RAB3IP: variants seen among roughly 807,000 people sequenced by gnomAD.
The protein encoded by RAB3IP is rab-3A-interacting protein.
A neutral mutation model predicts 59.1 loss-of-function variants in RAB3IP; 36 were observed. The observed-to-expected ratio is 0.61, with a 90% confidence interval of 0.47 to 0.80. The LOEUF (loss-of-function observed/expected upper bound fraction) is 0.80, where lower values mean the gene tolerates loss of function less well. RAB3IP is among the 30% of genes least tolerant of loss of function. The pLI is 0.00. For missense variants in RAB3IP, 511 were observed against 536.0 expected (o/e 0.95, Z 0.46); for synonymous variants, 207 against 191.2 (o/e 1.08, Z -0.68).
At position 69,738,928 on chromosome 12, in the gene RAB3IP, A is replaced by C. The variant is rs957503756; in HGVS notation, c.-129A>C. On this transcript the variant is annotated 5_prime_UTR_variant, in exon 1 of 11. Coordinates refer to ENST00000247833, the MANE Select transcript of RAB3IP (RefSeq NM_022456.5). ...AGCCCGCCGCCGTGGAGTGTAGCGG[A>C]AAGGGCTCGCCGTCCTCCTCCGTTT... is the stretch of plus-strand genomic sequence containing the variant. 6.6e-6 allele frequency: 1 copy of C among 151,952 alleles called. No homozygotes were observed. Among genetic ancestry groups the C allele is most frequent in the Non-Finnish European group, 1.5e-5 (1 of 67,972 alleles). 9.4% of individuals were successfully genotyped at this position (151,952 alleles called of 1,614,324 possible). A position where few individuals can be genotyped will look rare whatever the true frequency, so the allele number is the denominator to read the frequency against.
chr12:69,799,544 G>A (rs1878046988), intron 6 of RAB3IP, among the ~76,000 whole-genome samples: 2 of 152,066 alleles, frequency 1.3e-5, no homozygotes, highest in Non-Finnish European at 2.9e-5. Flanking sequence ...GTAGTTACTG[G>A]GTGCCAAAAA....
intron 3 of RAB3IP, among the ~76,000 whole-genome samples, chr12:69,784,349 C>G (rs1022386440): frequency 1.3e-5 from 2 of 151,162 alleles, no homozygotes; most frequent in Non-Finnish European, 2.9e-5. Context: ...TTGAAATATG[C>G]ATAATTAAAT....
intron 8 of RAB3IP, chr12:69,812,535 T>C (rs190517075): frequency 3.0e-4 from 118 of 396,938 alleles, no homozygotes; most frequent in African/African-American, 1.9e-3. Flanking sequence ...AAACACCTAG[T>C]TTCTGTTTCT....
intron 3 of RAB3IP, among the ~76,000 whole-genome samples, chr12:69,766,723 A>G (rs1025064130): frequency 2.0e-5 from 3 of 151,290 alleles, no homozygotes; most frequent in Non-Finnish European, 4.4e-5. Context: ...ATGGGGTTTC[A>G]CCATGTTGGC....
At chr12:69,809,395 G>A (rs1880027178) in intron 8 of RAB3IP, among the ~76,000 whole-genome samples, 1 of 152,192 alleles carries the variant, frequency 6.6e-6, no homozygotes, top group South Asian at 2.1e-4. Context: ...TGCTCTGCTC[G>A]AGGAGTATCT....
chr12:69,748,530 A>G (rs1220066294), intron 1 of RAB3IP, among the ~76,000 whole-genome samples: 1 of 152,216 alleles, frequency 6.6e-6, no homozygotes, highest in East Asian at 1.9e-4. Flanking sequence ...GGAAATGCAT[A>G]TTAGGGATCA....
At chr12:69,808,478 C>T (rs1409582603) in intron 8 of RAB3IP, among the ~76,000 whole-genome samples, 2 of 152,028 alleles carry the variant, frequency 1.3e-5, no homozygotes, top group Non-Finnish European at 2.9e-5. Context: ...TCTGTGTTGA[C>T]ACAGTGGGGT....
chr12:69,759,525 G>A (rs7954759), intron 3 of RAB3IP, among the ~76,000 whole-genome samples: 16,244 of 151,962 alleles, frequency 0.11, 1,197 homozygotes, highest in Middle Eastern at 0.17. Context: ...GGTGGTGGCC[G>A]GGCAGAGGAG....
At chr12:69,791,583 T>A (rs1276754694) in intron 4 of RAB3IP, among the ~76,000 whole-genome samples, 1 of 152,100 alleles carries the variant, frequency 6.6e-6, no homozygotes, top group Non-Finnish European at 1.5e-5. Flanking sequence ...GCATCAGTAA[T>A]CATCAGGTAA....
intron 1 of RAB3IP, chr12:69,739,607 T>C: frequency 1.8e-6 from 1 of 549,108 alleles, no homozygotes; most frequent in Non-Finnish European, 3.2e-6. Flanking sequence ...CCTCGGGAGG[T>C]TTCGGTGAAA....
chr12:69,784,122 A>G (rs4761266), intron 3 of RAB3IP, among the ~76,000 whole-genome samples: 5,999 of 152,268 alleles, frequency 0.039, 126 homozygotes, highest in Non-Finnish European at 0.048. Context: ...TAAAACATCT[A>G]TATGTGAACT....
At chr12:69,741,874 G>T (rs751109060) in intron 1 of RAB3IP, among the ~76,000 whole-genome samples, 1 of 152,176 alleles carries the variant, frequency 6.6e-6, no homozygotes, top group Non-Finnish European at 1.5e-5. Flanking sequence ...TAATGCTGAA[G>T]AACTTTGTAA....
intron 4 of RAB3IP, among the ~76,000 whole-genome samples, chr12:69,786,833 T>C (rs191275748): frequency 2.0e-4 from 31 of 152,254 alleles, no homozygotes; most frequent in Non-Finnish European, 4.1e-4. Flanking sequence ...ATCTAAAAAA[T>C]ATAGTTTGGA....
chr12:69,799,909 A>G (rs868152629), intron 6 of RAB3IP, among the ~76,000 whole-genome samples: 41 of 152,068 alleles, frequency 2.7e-4, no homozygotes, highest in African/African-American at 9.7e-4. Flanking sequence ...AGTGAGGATA[A>G]TAGTAGTGTT....
intron 4 of RAB3IP, among the ~76,000 whole-genome samples, chr12:69,794,226 A>G (rs1217186678): frequency 3.3e-5 from 5 of 152,206 alleles, no homozygotes; most frequent in Non-Finnish European, 7.3e-5. Context: ...TGGCTGCCTC[A>G]GTGGTAATAG....
intron 3 of RAB3IP, among the ~76,000 whole-genome samples, chr12:69,782,974 G>A (rs112462527): frequency 1.3e-5 from 2 of 152,034 alleles, no homozygotes; most frequent in African/African-American, 4.8e-5. Flanking sequence ...TTTTTTCTTT[G>A]AGTAACTTAA....
In RAB3IP at chr12:69,784,824, A is replaced by G. The variant is rs757929150; in HGVS notation, c.606+9A>G. 3.4e-5 allele frequency: 52 copies of G among 1,541,702 alleles called. No individual in the cohort carries two copies. The highest frequency in any genetic ancestry group is 1.8e-4 in the South Asian group (16 of 86,976). ...CAGCTAGTCTATTTGAGGTTGGTCT[A>G]TTTACATCTTGGCCAACAGCAACAT... On this transcript the variant is annotated intron_variant, in intron 4 of 10. Coordinates refer to ENST00000247833, the MANE Select transcript of RAB3IP (RefSeq NM_022456.5).
At chr12:69,753,876 A>C (rs1261611208) in intron 1 of RAB3IP, among the ~76,000 whole-genome samples, 1 of 152,190 alleles carries the variant, frequency 6.6e-6, no homozygotes, top group Non-Finnish European at 1.5e-5. Context: ...TGGTACACTC[A>C]AGTTAGTTTC....
At position 69,771,396 on chromosome 12, in the gene RAB3IP, G is replaced by A. The variant is rs1236065851; in HGVS notation, c.511-13324G>A. Reference sequence around the variant, plus strand: ...AAATAAATTAATCAGACATGGTGGTGCATGCCTGTGTTCCCAGCTACTTGG... The same window carrying A: ...AAATAAATTAATCAGACATGGTGGTACATGCCTGTGTTCCCAGCTACTTGG... On this transcript the variant is annotated intron_variant, in intron 3 of 10. Transcript: ENST00000247833. 2.6e-5 allele frequency among the ~76,000 whole-genome samples: 4 copies of A among 152,178 alleles called. No individual in the cohort carries two copies. In the East Asian group the frequency reaches 7.7e-4, roughly 29 times the overall value.
Sources: gnomAD v4.1 joint callset for allele counts (sites outside exome capture counted in the v4.1 genomes callset) on GRCh38, gnomAD v4.1.1 for gene constraint, MANE v1.5 for transcripts, NCBI Gene and HGNC (gene_info 2026-07-23, HGNC 2026-07-21) for gene names.